Variants in SOS2 observed in about 807,000 individuals in gnomAD.
SOS2 encodes SOS Ras/Rho guanine nucleotide exchange factor 2.
A neutral mutation model predicts 148.2 loss-of-function variants in SOS2; 65 were observed. The observed-to-expected ratio is 0.44, with a 90% CI of 0.36 to 0.54. SOS2 has a LOEUF of 0.54. Ranked by LOEUF, SOS2 falls within the 20% of genes least tolerant of loss-of-function variation. SOS2 has a pLI of 0.00. For missense variants in SOS2, 1,341 were observed against 1,590.2 expected (o/e 0.84, Z 2.67); for synonymous variants, 539 against 537.1 (o/e 1.00, Z -0.05).
At chr14:50,187,912 CT>C (rs1401501489) in intron 5 of SOS2, among the ~76,000 whole-genome samples, 2 of 152,234 alleles carry the variant, frequency 1.3e-5, no homozygotes. Flanking sequence ...GACCATACAT[CT>C]TTTTCACCAC....
chr14:50,195,766 C>G lies in SOS2; in HGVS notation c.510+3925G>C, dbSNP rs551952561. Among the ~76,000 whole-genome samples the G allele has an allele frequency of 2.6e-5, 4 of 151,896 alleles. No individual in the cohort carries two copies. In the East Asian group the frequency reaches 7.7e-4, roughly 29 times the overall value. ...AACAAAGAAGCTGGGTGTGGTGGCT[C>G]AAGCCTGTAATCCCAGCACTTTGGA... On this transcript the variant is annotated intron_variant, in intron 4 of 22. Coordinates refer to ENST00000216373, the MANE Select transcript of SOS2 (RefSeq NM_006939.4).
At position 50,162,896 on chromosome 14, in the gene SOS2, G is replaced by GTTTTTTT. The variant is rs1566832748; in HGVS notation, c.1069-1288_1069-1287insAAAAAAA. Among the ~76,000 whole-genome samples the GTTTTTTT allele has an allele frequency of 2.1e-5, 3 of 139,854 alleles. 1 individual carries two copies. Among genetic ancestry groups the GTTTTTTT allele is most frequent in the Non-Finnish European group, 3.1e-5 (2 of 65,204 alleles). 91.7% of individuals were successfully genotyped at this position (139,854 alleles called of 152,430 possible). A position where few individuals can be genotyped will look rare whatever the true frequency, so the allele number is the denominator to read the frequency against. ...GTATTGTATTGTGCTCCAATGTTTT[G>GTTTTTTT]ATTTTTTTTTTTTTTTTTGAGACAG... is the stretch of plus-strand genomic sequence containing the variant. On this transcript the variant is annotated intron_variant, in intron 8 of 22. Transcript: ENST00000216373.
intron 14 of SOS2, among the ~76,000 whole-genome samples, chr14:50,147,317 G>A (rs142707156): frequency 6.6e-6 from 1 of 152,082 alleles, no homozygotes; most frequent in Non-Finnish European, 1.5e-5. Context: ...AGACCATCCT[G>A]GGCAACATAG....
chr14:50,170,066 C>T (rs1885310998), intron 8 of SOS2, among the ~76,000 whole-genome samples: 1 of 151,746 alleles, frequency 6.6e-6, no homozygotes, highest in South Asian at 2.1e-4. Flanking sequence ...GCCGGGACCA[C>T]AGGCATGCAC....
chr14:50,223,547 C>T (rs541016900), intron 1 of SOS2, among the ~76,000 whole-genome samples: 6 of 151,918 alleles, frequency 3.9e-5, no homozygotes, highest in South Asian at 2.1e-4. Flanking sequence ...TGGTGGCACA[C>T]GCCTGTAGTC....
chr14:50,194,339 G>A (rs1215575644), intron 4 of SOS2, among the ~76,000 whole-genome samples: 1 of 151,882 alleles, frequency 6.6e-6, no homozygotes, highest in African/African-American at 2.4e-5. Flanking sequence ...TAAATAAAAT[G>A]TGAAATAATA....
intron 5 of SOS2, among the ~76,000 whole-genome samples, chr14:50,185,200 T>C (rs1422776775): frequency 3.9e-5 from 6 of 152,218 alleles, no homozygotes; most frequent in African/African-American, 9.6e-5. Flanking sequence ...GGACTTTCAA[T>C]TGGCGCCTGA....
chr14:50,187,497 A>G (rs556926180), intron 5 of SOS2, among the ~76,000 whole-genome samples: 339 of 151,796 alleles, frequency 2.2e-3, no homozygotes, highest in African/African-American at 7.9e-3. Context: ...ACAGGCGCCC[A>G]CCACTACGCC....
At chr14:50,185,957 G>A (rs1885895545) in intron 5 of SOS2, among the ~76,000 whole-genome samples, 1 of 152,058 alleles carries the variant, frequency 6.6e-6, no homozygotes, top group Non-Finnish European at 1.5e-5. Flanking sequence ...CACACATTTG[G>A]TCTGCTAATA....
At chr14:50,190,856 A>C (rs1295594579) in intron 4 of SOS2, among the ~76,000 whole-genome samples, 2 of 152,176 alleles carry the variant, frequency 1.3e-5, no homozygotes, top group Non-Finnish European at 2.9e-5. Context: ...AAATTTAAAG[A>C]AACCAGTAAG....
chr14:50,188,426 G>A, intron 5 of SOS2, 71 bp downstream of exon 5: 3 of 968,784 alleles, frequency 3.1e-6, no homozygotes, highest in South Asian at 2.9e-5. Flanking sequence ...AAAAAAAAGT[G>A]ACTATTTATG....
rs1031464000 is a variant in SOS2 at position 50,118,207 on chromosome 14, A to G, written c.*137T>C. ...GTATTTTTATTTTTCCAATTCTTAA[A>G]AGCTTATTTGATCAGTAGCATTTTT... On this transcript the variant is annotated 3_prime_UTR_variant, in exon 23 of 23. Transcript: ENST00000216373. The G allele has an allele frequency of 2.7e-6, 2 of 730,826 alleles. No homozygotes were observed. Among genetic ancestry groups the G allele is most frequent in the Non-Finnish European group, 4.4e-6 (2 of 453,760 alleles). 45.3% of individuals were successfully genotyped at this position (730,826 alleles called of 1,614,324 possible). A position where few individuals can be genotyped will look rare whatever the true frequency, so the allele number is the denominator to read the frequency against.
Position 50,180,667 on chromosome 14 carries a change from G to T in SOS2, c.874C>A (p.Pro292Thr). 1 of 1,578,496 alleles carries T rather than the reference G, an allele frequency of 6.3e-7. No individual in the cohort carries two copies. Among genetic ancestry groups the T allele is most frequent in the South Asian group, 1.2e-5 (1 of 85,890 alleles). ...ATGTCCTGTGATAATGTTTCATAAGGATCAAATGCTTGCTCCTATTTTTTT... is the reference window on the plus strand; with the variant it reads ...ATGTCCTGTGATAATGTTTCATAAGTATCAAATGCTTGCTCCTATTTTTTT... ...EDLAEEQAFD[P>T]YETLSQDILS... Residue 292 changes from proline to threonine, a missense_variant, in exon 7 of 23, where the codon CCT becomes ACT. Around this residue, in one of 4 missense-constraint regions of SOS2, gnomAD observed 574 missense variants for 711.1 expected, o/e 0.81. Transcript: ENST00000216373.
chr14:50,224,332 C>T (rs1433753970), intron 1 of SOS2, among the ~76,000 whole-genome samples: 12 of 142,920 alleles, frequency 8.4e-5, no homozygotes, highest in East Asian at 4.0e-4. Context: ...CACACACACA[C>T]ACACACACAC....
rs571767013 is a variant in SOS2, at chr14:50,143,694, G to A, written c.2667+1476C>T. 5.3e-5 allele frequency among the ~76,000 whole-genome samples: 8 copies of A among 151,942 alleles called. No homozygotes were observed. The South Asian group carries it at 6.2e-4, about 12-fold the overall frequency. ...TGACCTCAGGTGATCCACCCGCCTC[G>A]GCCTCCCAAAGTGCTAGGATTACAG... On this transcript the variant is annotated intron_variant, in intron 16 of 22. Coordinates refer to ENST00000216373, the MANE Select transcript of SOS2 (RefSeq NM_006939.4).
In SOS2 at chr14:50,180,584, A is replaced by G. The variant is rs1463652579; in HGVS notation, c.957T>C (p.Ala319=). 1.4e-6 allele frequency: 2 copies of G among 1,410,016 alleles called. No individual in the cohort carries two copies. The highest frequency in any genetic ancestry group is 2.0e-6 in the Non-Finnish European group (2 of 1,016,464). 87.3% of individuals were successfully genotyped at this position (1,410,016 alleles called of 1,614,324 possible). A position where few individuals can be genotyped will look rare whatever the true frequency, so the allele number is the denominator to read the frequency against. Residue 319 remains alanine (A), a synonymous_variant, in exon 7 of 23, where the codon GCT becomes GCC. Transcript: ENST00000216373. The part of the protein sequence containing the change: ...FNKLMARPAV[A]LHFQSIADGF... ...AATTTAAGTTTACCTGAAAGTGTAG[A>G]GCAACTGCAGGTCTGGCCATCAATT... is the stretch of plus-strand genomic sequence containing the variant.
At position 50,199,746 on chromosome 14, in the gene SOS2, A is replaced by G. The variant is rs1440645330; in HGVS notation, c.455T>C (p.Ile152Thr). The change falls in exon 4 of 23, where the codon ATC (isoleucine) becomes ACC (threonine). Residue 152 changes from isoleucine (I) to threonine (T), a missense_variant. Physicochemically the swap from Ile to Thr is moderately conservative, Grantham distance 89. This residue lies in a region of SOS2 where 574 missense variants were observed against 711.1 expected (regional missense o/e 0.81). Transcript: ENST00000216373. ...LKLAGNYVFN[I>T]RHYEISQQDI... Reference sequence around the variant, plus strand: ...CTGCTGAGATATTTCATAATGCCGGATATTAAAAACATAATTACCAGCCAA... The same window carrying G: ...CTGCTGAGATATTTCATAATGCCGGGTATTAAAAACATAATTACCAGCCAA... The G allele has an allele frequency of 6.2e-7, 1 of 1,609,734 alleles. No individual in the cohort carries two copies. Among genetic ancestry groups the G allele is most frequent in the South Asian group, 1.1e-5 (1 of 90,756 alleles).
At chr14:50,227,994 A>C (rs1887431197) in intron 1 of SOS2, among the ~76,000 whole-genome samples, 1 of 152,120 alleles carries the variant, frequency 6.6e-6, no homozygotes, top group South Asian at 2.1e-4. Context: ...ACTATTTTAC[A>C]CATCTATAAG....
At chr14:50,119,002 A>G in intron 22 of SOS2, 149 bp from the exon 23 acceptor site, 1 of 470,932 alleles carries the variant, frequency 2.1e-6, no homozygotes, top group East Asian at 3.2e-5. Flanking sequence ...GAGTACTCCT[A>G]GATTAATTCA....
Sources: gnomAD v4.1 joint callset for allele counts (sites outside exome capture counted in the v4.1 genomes callset) on GRCh38, gnomAD v4.1.1 for gene constraint, gnomAD v4.1.1 regional missense constraint, MANE v1.5 for transcripts, NCBI Gene and HGNC (gene_info 2026-07-23, HGNC 2026-07-21) for gene names.